PPP2R1B: variants seen among roughly 807,000 people sequenced by gnomAD.
PPP2R1B encodes the protein protein phosphatase 2 scaffold subunit Abeta.
A neutral mutation model predicts 72.7 loss-of-function variants in PPP2R1B; 58 were observed. The ratio of observed to expected loss-of-function variants is 0.80; its 90% CI spans 0.65 to 0.99. The LOEUF (loss-of-function observed/expected upper bound fraction) is 0.99, where lower values mean the gene tolerates loss of function less well. Among genes scored for constraint, PPP2R1B ranks in the 50% least tolerant of loss-of-function variants. The pLI is 0.00. For synonymous variants in PPP2R1B, 256 were observed against 264.6 expected, an observed-to-expected ratio of 0.97 and a Z score of 0.32; for missense variants, 695 against 733.6, an observed-to-expected ratio of 0.95 and a Z score of 0.61.
At chr11:111,742,000 A>G in intron 14 of PPP2R1B, 53 bp downstream of exon 14, 1 of 1,411,790 alleles carries the variant, frequency 7.1e-7, no homozygotes, top group Non-Finnish European at 1.0e-6. Flanking sequence ...TAATAGAGAT[A>G]AATCCCAGTT....
At chr11:111,729,314 A>G (rs1360909942) in intron 15 of PPP2R1B, 1 of 152,266 alleles carries the variant, frequency 6.6e-6, no homozygotes, top group African/African-American at 2.4e-5. Flanking sequence ...AGACCCACCC[A>G]GGGAGAGCTG....
At chr11:111,761,289 T>C (rs1264488850) in intron 3 of PPP2R1B, 4 of 643,362 alleles carry the variant, frequency 6.2e-6, no homozygotes, top group Non-Finnish European at 1.1e-5. Context: ...TCCCAGATGG[T>C]GTCTACAAAT....
At chr11:111,746,761 T>C (rs1944718961) in intron 11 of PPP2R1B, among the ~76,000 whole-genome samples, 1 of 152,172 alleles carries the variant, frequency 6.6e-6, no homozygotes. Context: ...TTTCCTATGA[T>C]TTGCCAAATT....
chr11:111,724,390 C>T (rs144049128), downstream of PPP2R1B: 4 of 508,566 alleles, frequency 7.9e-6, no homozygotes, highest in Non-Finnish European at 1.4e-5. Flanking sequence ...GGAGCAAGCT[C>T]TCGAGGGCAG....
In PPP2R1B at chr11:111,727,197, G is replaced by A. The variant is rs770113498; in HGVS notation, c.1912-140C>T. On this transcript the variant is annotated intron_variant, in intron 15 of 15. Coordinates refer to the PPP2R1B transcript ENST00000311129. ...GTCACCGTGGGAAAAGGAGGCTGAT[G>A]GTTCTCTACACCATCCACCTTGAGA... is the stretch of plus-strand genomic sequence containing the variant. 2.1e-4 allele frequency: 147 copies of A among 701,636 alleles called. 1 individual carries two copies. Among genetic ancestry groups the A allele is most frequent in the Non-Finnish European group, 3.5e-4 (139 of 400,168 alleles). 43.5% of individuals were successfully genotyped at this position (701,636 alleles called of 1,614,324 possible).
chr11:111,708,451 C>A, the PPP2R1B span, among the ~76,000 whole-genome samples: 587 of 152,186 alleles, frequency 3.9e-3, 4 homozygotes, highest in African/African-American at 0.013. Context: ...TGGGATTCCC[C>A]TCTTAGATTT....
chr11:111,696,967 C>G, the PPP2R1B span, among the ~76,000 whole-genome samples: 3 of 152,270 alleles, frequency 2.0e-5, no homozygotes, highest in South Asian at 6.2e-4. Context: ...TATCCAGATT[C>G]CTGTGAAGAA....
At chr11:111,705,052 A>G in the PPP2R1B span, 1 of 1,611,582 alleles carries the variant, frequency 6.2e-7, no homozygotes. The surrounding 1 kb of genome is among the most constrained non-coding windows in gnomAD (Gnocchi z 4.3). Flanking sequence ...AGCGCCTGAA[A>G]TCACATCGGA....
At chr11:111,744,776 T>C (rs906280861) in intron 11 of PPP2R1B, among the ~76,000 whole-genome samples, 1 of 152,172 alleles carries the variant, frequency 6.6e-6, no homozygotes, top group Admixed American at 6.5e-5. Context: ...CTTCTATTCA[T>C]AGATCCTTCT....
At chr11:111,721,156 A>G in the PPP2R1B span, 1 of 1,428,614 alleles carries the variant, frequency 7.0e-7, no homozygotes, top group Non-Finnish European at 9.4e-7. Context: ...GATTTCCTCC[A>G]GTCCTGGAGC....
chr11:111,763,126 A>G (rs1945388675), intron 3 of PPP2R1B, among the ~76,000 whole-genome samples: 2 of 152,218 alleles, frequency 1.3e-5, no homozygotes, highest in Admixed American at 1.3e-4. Context: ...AACCTCCCTG[A>G]GGAGATGCAT....
chr11:111,717,024 C>T, the PPP2R1B span, among the ~76,000 whole-genome samples: 2 of 152,116 alleles, frequency 1.3e-5, no homozygotes, highest in Admixed American at 1.3e-4. Context: ...TGAAAAAAAG[C>T]TCAACAGCGG....
chr11:111,749,487 G>A (rs1944824139), intron 10 of PPP2R1B, among the ~76,000 whole-genome samples: 1 of 151,914 alleles, frequency 6.6e-6, no homozygotes, highest in Non-Finnish European at 1.5e-5. Context: ...GTTTCACCAT[G>A]TTGGTCAGGC....
intron 9 of PPP2R1B, 70 bp from the exon 10 acceptor site, chr11:111,752,402 G>A: frequency 3.5e-6 from 5 of 1,431,018 alleles, no homozygotes; most frequent in East Asian, 2.4e-5. Context: ...CTCCTGTCAG[G>A]GTAAGATAAA....
the PPP2R1B span, among the ~76,000 whole-genome samples, chr11:111,715,854 T>C: frequency 4.6e-5 from 6 of 131,432 alleles, no homozygotes; most frequent in African/African-American, 1.7e-4. Flanking sequence ...CAGGCTGGAG[T>C]GCAGTGACAC....
chr11:111,724,124 A>C (rs1312408695), downstream of PPP2R1B: 1 of 1,607,910 alleles, frequency 6.2e-7, no homozygotes, highest in Admixed American at 1.7e-5. Context: ...TGTCCTGGTG[A>C]ATTAGTCTCA....
chr11:111,737,740 G>T, downstream of PPP2R1B: 1 of 1,348,640 alleles, frequency 7.4e-7, no homozygotes. Flanking sequence ...GGCAGCCCAG[G>T]GTCGTGCTGA....
chr11:111,730,375 CA>C, intron 15 of PPP2R1B: 1 of 152,270 alleles, frequency 6.6e-6, no homozygotes. Flanking sequence ...CTGCCTTCAC[CA>C]AAATCTCTGA....
At chr11:111,693,124 G>A in the PPP2R1B span, among the ~76,000 whole-genome samples, 2 of 152,020 alleles carry the variant, frequency 1.3e-5, no homozygotes, top group Non-Finnish European at 2.9e-5. Flanking sequence ...ACGAGGGCAG[G>A]ATTTCGAGAC....
Sources: allele counts gnomAD v4.1 joint callset (sites outside exome capture counted in the v4.1 genomes callset), GRCh38; gene constraint gnomAD v4.1.1; non-coding constraint Gnocchi (gnomAD v3.1); transcripts MANE v1.5; gene names NCBI Gene and HGNC (gene_info 2026-07-23, HGNC 2026-07-21).